The following SDK1 variants were observed in gnomAD, a reference collection of about 807,000 sequenced individuals.
The protein encoded by SDK1 is sidekick cell adhesion molecule 1.
A neutral mutation model predicts 245.5 loss-of-function variants in SDK1; 157 were observed. That is an observed-to-expected ratio of 0.64 (90% CI 0.56 to 0.73). The LOEUF (loss-of-function observed/expected upper bound fraction) is 0.73, where lower values mean the gene tolerates loss of function less well. Ranked by LOEUF, SDK1 falls within the 30% of genes least tolerant of loss-of-function variation. The pLI is 0.00. For missense variants in SDK1, 3,583 were observed against 3,002.3 expected (o/e 1.19, Z -4.52); for synonymous variants, 1,647 against 1,278.5 (o/e 1.29, Z -6.15).
chr7:3,779,767 C>A (rs1317676744), intron 4 of SDK1, among the ~76,000 whole-genome samples: 1 of 151,584 alleles, frequency 6.6e-6, no homozygotes, highest in Non-Finnish European at 1.5e-5. Context: ...CCCGTCTCTA[C>A]TGGAAATACA....
chr7:3,925,236 A>C (rs1779728318), intron 5 of SDK1, among the ~76,000 whole-genome samples: 1 of 116,452 alleles, frequency 8.6e-6, no homozygotes, highest in South Asian at 2.4e-4. Context: ...AGGAAGAAAC[A>C]CAGAGCACAT....
chr7:3,801,830 G>A (rs188267282), intron 4 of SDK1, among the ~76,000 whole-genome samples: 99 of 152,238 alleles, frequency 6.5e-4, no homozygotes, highest in Admixed American at 2.1e-3. Context: ...TCTTCATGTG[G>A]TTCTCCCTGT....
intron 22 of SDK1, among the ~76,000 whole-genome samples, chr7:4,096,804 G>T (rs1057028931): frequency 3.9e-5 from 6 of 151,960 alleles, no homozygotes; most frequent in Non-Finnish European, 8.8e-5. Flanking sequence ...CGCCACATAG[G>T]AGCTGAGATT....
At chr7:4,168,070 A>T (rs1320015197) in intron 32 of SDK1, among the ~76,000 whole-genome samples, 1 of 152,224 alleles carries the variant, frequency 6.6e-6, no homozygotes, top group African/African-American at 2.4e-5. Flanking sequence ...CCCAGTTCAG[A>T]ACCCTGTGCA....
At chr7:3,345,757 C>T (rs1177891396) in intron 1 of SDK1, among the ~76,000 whole-genome samples, 2 of 152,112 alleles carry the variant, frequency 1.3e-5, no homozygotes, top group African/African-American at 4.8e-5. Context: ...GTATTGCCTC[C>T]TCAGTAGTAA....
chr7:3,333,197 T>A (rs989677664), intron 1 of SDK1, among the ~76,000 whole-genome samples: 3 of 152,134 alleles, frequency 2.0e-5, no homozygotes, highest in African/African-American at 7.2e-5. Flanking sequence ...GGTACCTGAT[T>A]TCTACTGAAG....
chr7:3,479,748 G>C (rs995514800), intron 1 of SDK1, among the ~76,000 whole-genome samples: 1 of 151,680 alleles, frequency 6.6e-6, no homozygotes, highest in Non-Finnish European at 1.5e-5. Context: ...TGTAGTCCTA[G>C]CTACTCAGGA....
intron 4 of SDK1, among the ~76,000 whole-genome samples, chr7:3,788,747 G>A (rs1780988653): frequency 2.6e-5 from 4 of 152,234 alleles, no homozygotes; most frequent in Admixed American, 2.0e-4. Flanking sequence ...GGTTGGGCAA[G>A]CTTGCTTTAA....
Position 4,267,689 on chromosome 7 carries a change from T to G in SDK1, c.*2305T>G. On this transcript the variant is annotated 3_prime_UTR_variant, in exon 45 of 45. Coordinates refer to ENST00000404826, the MANE Select transcript of SDK1 (RefSeq NM_152744.4). ...CGTCTTAGGTTGAGGATGAGCAGAT[T>G]CGAGATATGTTTGTTGCTCTCGGGT... 1 of 985,480 alleles carries G rather than the reference T, an allele frequency of 1.0e-6. No homozygotes were observed. 61.0% of individuals were successfully genotyped at this position (985,480 alleles called of 1,614,324 possible). A position where few individuals can be genotyped will look rare whatever the true frequency, so the allele number is the denominator to read the frequency against.
chr7:3,808,188 C>A (rs1223153647), intron 4 of SDK1, among the ~76,000 whole-genome samples: 1 of 152,128 alleles, frequency 6.6e-6, no homozygotes, highest in Non-Finnish European at 1.5e-5. Flanking sequence ...GTTGCCAGGC[C>A]CGTGGAACGT....
At chr7:4,163,596 C>T (rs949005313) in intron 32 of SDK1, among the ~76,000 whole-genome samples, 1 of 152,208 alleles carries the variant, frequency 6.6e-6, no homozygotes, top group Non-Finnish European at 1.5e-5. Context: ...CTTCACTTTG[C>T]AGCACGGAGG....
intron 4 of SDK1, among the ~76,000 whole-genome samples, chr7:3,817,179 T>C (rs1439215752): frequency 6.6e-6 from 1 of 152,210 alleles, no homozygotes; most frequent in Non-Finnish European, 1.5e-5. Context: ...TGGGTTACAG[T>C]GCAAGTTTTG....
chr7:3,588,571 C>G (rs190257753), intron 1 of SDK1, among the ~76,000 whole-genome samples: 3 of 152,232 alleles, frequency 2.0e-5, no homozygotes, highest in East Asian at 1.9e-4. Context: ...TTCCTAGATT[C>G]ATTGTTGAGG....
At position 3,576,692 on chromosome 7, in the gene SDK1, T is replaced by C. The variant is rs184796434; in HGVS notation, c.299-42388T>C. ...CCATGTGACTTATGCATGGTGTGTATGTGGCTGCATTTTGCCTGTGTTGAG... is the reference window on the plus strand; with the variant it reads ...CCATGTGACTTATGCATGGTGTGTACGTGGCTGCATTTTGCCTGTGTTGAG... On this transcript the variant is annotated intron_variant, in intron 1 of 44. Coordinates refer to ENST00000404826, the MANE Select transcript of SDK1 (RefSeq NM_152744.4). Among the ~76,000 whole-genome samples, 75 of 152,212 alleles carry C rather than the reference T, an allele frequency of 4.9e-4. 1 individual carries two copies. The highest frequency in any genetic ancestry group is 1.8e-3 in the African/African-American group (74 of 41,566).
chr7:3,480,472 C>T (rs921004839), intron 1 of SDK1, among the ~76,000 whole-genome samples: 1 of 151,622 alleles, frequency 6.6e-6, no homozygotes, highest in Non-Finnish European at 1.5e-5. Flanking sequence ...AGCTGCCTGC[C>T]TCGTGCACAT....
At chr7:3,302,994 T>C (rs1480607575) in intron 1 of SDK1, among the ~76,000 whole-genome samples, 2 of 152,012 alleles carry the variant, frequency 1.3e-5, no homozygotes, top group Non-Finnish European at 2.9e-5. Flanking sequence ...TATCATCCAA[T>C]AGCTTAACAA....
At chr7:3,770,363 T>C (rs1376271665) in intron 4 of SDK1, among the ~76,000 whole-genome samples, 2 of 152,228 alleles carry the variant, frequency 1.3e-5, no homozygotes, top group African/African-American at 4.8e-5. Context: ...GCCATTCACC[T>C]ATTGAAGGAC....
chr7:3,486,306 C>G (rs963122861), intron 1 of SDK1, among the ~76,000 whole-genome samples: 15 of 151,754 alleles, frequency 9.9e-5, no homozygotes, highest in South Asian at 4.2e-4. Flanking sequence ...GATCTTCTTT[C>G]TTTTTTCTTA....
chr7:3,357,326 GTGTTTTTTTTTTTTTTTTTTTTTT>G (rs1780827107), intron 1 of SDK1, among the ~76,000 whole-genome samples: 2 of 50,100 alleles, frequency 4.0e-5, no homozygotes. Context: ...CCTTCTTTTA[GTGTTTTTTTTTTTTTTTTTTTTTT>G]TTTTTTTTTT....
Sources: gnomAD v4.1 joint callset for allele counts (sites outside exome capture counted in the v4.1 genomes callset) on GRCh38, gnomAD v4.1.1 for gene constraint, MANE v1.5 for transcripts, NCBI Gene and HGNC (gene_info 2026-07-23, HGNC 2026-07-21) for gene names.